PRKAR1B: variants seen among roughly 807,000 people sequenced by gnomAD.
The protein encoded by PRKAR1B is cAMP-dependent protein kinase type I-beta regulatory subunit.
In PRKAR1B, 22 loss-of-function variants were observed where a neutral mutation model predicts 46.5. The ratio of observed to expected loss-of-function variants is 0.47; its 90% CI spans 0.34 to 0.68. The LOEUF is 0.68. Among genes scored for constraint, PRKAR1B ranks in the 30% least tolerant of loss-of-function variants. The probability of loss-of-function intolerance (pLI) is 0.01; values close to 1 mark genes in which losing one functional copy is unlikely to be tolerated. For synonymous variants in PRKAR1B, 259 were observed against 217.7 expected (o/e 1.19, Z -1.67); for missense variants, 445 against 535.6 (o/e 0.83, Z 1.67).
intron 9 of PRKAR1B, among the ~76,000 whole-genome samples, chr7:568,773 A>C (rs1279657120): frequency 1.3e-5 from 2 of 152,200 alleles, no homozygotes; most frequent in African/African-American, 2.4e-5. Context: ...ATGGTGCTTA[A>C]GTCTCCTCGC....
chr7:618,599 C>G (rs1782955440), intron 4 of PRKAR1B, among the ~76,000 whole-genome samples: 3 of 152,216 alleles, frequency 2.0e-5, no homozygotes. Context: ...CATTGCCTGA[C>G]ACGTTGGGGC....
intron 4 of PRKAR1B, among the ~76,000 whole-genome samples, chr7:670,566 C>T (rs1391422989): frequency 6.7e-6 from 1 of 150,148 alleles, no homozygotes; most frequent in Non-Finnish European, 1.5e-5. Context: ...GGCTCAGGAC[C>T]GAGGACGGCC....
intron 1 of PRKAR1B, chr7:712,601 C>T (rs1215969670): frequency 7.4e-6 from 1 of 134,600 alleles, no homozygotes; most frequent in Non-Finnish European, 1.6e-5. Context: ...TCCCCCCGAC[C>T]GCCTCCCCGC....
intron 4 of PRKAR1B, among the ~76,000 whole-genome samples, chr7:638,742 T>G (rs1270776634): frequency 6.6e-6 from 1 of 152,172 alleles, no homozygotes; most frequent in Non-Finnish European, 1.5e-5. Flanking sequence ...AACTGATCTA[T>G]CAATTCAACA....
In PRKAR1B at chr7:704,317, C is replaced by A. The variant is rs1780203318; in HGVS notation, c.177+7012G>T. ...TAAACTTCTAGCCAGACTGATCAAG[C>A]AAAAAAGAAAAGCCAGAAATTACCG... On this transcript the variant is annotated intron_variant, in intron 2 of 10. Transcript: ENST00000537384. Among the ~76,000 whole-genome samples the A allele has an allele frequency of 2.0e-5, 3 of 151,870 alleles. No individual in the cohort carries two copies. In the South Asian group the frequency reaches 6.2e-4, roughly 32 times the overall value.
rs1780805601 is a variant in PRKAR1B, at chr7:714,512, C to G, written c.-22-2985G>C. On this transcript the variant is annotated intron_variant, in intron 1 of 10. Coordinates refer to ENST00000537384, the MANE Select transcript of PRKAR1B (RefSeq NM_001164760.2). The surrounding 1 kb of genome is among the most constrained non-coding windows in gnomAD (Gnocchi z 4.3). ...GTGACGTCTGCTGAGCTCCTCTCCT[C>G]ATTGCCACGACGGCAGCTCCCACTG... Among the ~76,000 whole-genome samples the G allele has an allele frequency of 6.6e-6, 1 of 152,224 alleles. No individual in the cohort carries two copies. Among genetic ancestry groups the G allele is most frequent in the South Asian group, 2.1e-4 (1 of 4,830 alleles).
intron 7 of PRKAR1B, 152 bp downstream of exon 7, chr7:595,994 C>T: frequency 5.1e-6 from 5 of 989,320 alleles, no homozygotes; most frequent in Non-Finnish European, 5.7e-6. Context: ...ATCCCTCCAC[C>T]CCTTTCCACT....
At chr7:588,567 T>C in intron 7 of PRKAR1B, among the ~76,000 whole-genome samples, 1 of 19,344 alleles carries the variant, frequency 5.2e-5, no homozygotes, top group East Asian at 1.9e-3. Flanking sequence ...GGTGGTGATG[T>C]TGGTGAGGAT....
At chr7:684,245 C>G (rs1259909989) in intron 2 of PRKAR1B, among the ~76,000 whole-genome samples, 3 of 152,222 alleles carry the variant, frequency 2.0e-5, no homozygotes, top group African/African-American at 7.2e-5. Context: ...CCTCAAACAC[C>G]TATCAGATGC....
At chr7:578,891 A>G (rs907905577) in intron 9 of PRKAR1B, 4 of 478,040 alleles carry the variant, frequency 8.4e-6, no homozygotes, top group Non-Finnish European at 1.3e-5. Flanking sequence ...CATGTTGGCC[A>G]GGCTGGTCTC....
intron 2 of PRKAR1B, among the ~76,000 whole-genome samples, chr7:709,655 C>A (rs1780519425): frequency 6.6e-6 from 1 of 152,094 alleles, no homozygotes; most frequent in South Asian, 2.1e-4. Flanking sequence ...CAGGCGTGAG[C>A]CACTGCACCC....
chr7:566,393 TCACCACCACTTCCACCATCATTATCAC>T (rs1779139652), intron 9 of PRKAR1B, among the ~76,000 whole-genome samples: 3 of 3,196 alleles, frequency 9.4e-4, no homozygotes, highest in East Asian at 6.1e-3. Context: ...ATCACCACCA[TCACCACCACTTCCACCATCATTATCAC>T]CATCACCACC....
rs569947406 is a variant in PRKAR1B at position 693,410 on chromosome 7, G to A, written c.178-12684C>T. 9.7e-5 allele frequency among the ~76,000 whole-genome samples: 14 copies of A among 144,944 alleles called. No homozygotes were observed. The South Asian group carries it at 2.6e-3, about 27-fold the overall frequency. ...CTGTGCCATTCAGCAGCTGTCCCCC[G>A]ACACCCGCCCCAGCCCCCGACAGCC... On this transcript the variant is annotated intron_variant, in intron 2 of 10. Coordinates refer to ENST00000537384, the MANE Select transcript of PRKAR1B (RefSeq NM_001164760.2).
intron 6 of PRKAR1B, among the ~76,000 whole-genome samples, chr7:597,123 C>T (rs1054348563): frequency 6.6e-6 from 1 of 152,272 alleles, no homozygotes; most frequent in Non-Finnish European, 1.5e-5. Flanking sequence ...TGACACAATA[C>T]ACGCTTTATC....
intron 4 of PRKAR1B, among the ~76,000 whole-genome samples, chr7:608,727 GGTC>G (rs1782280979): frequency 3.3e-5 from 4 of 122,186 alleles, no homozygotes; most frequent in Non-Finnish European, 5.1e-5. Context: ...CCTGGGGAGG[GGTC>G]AGTGTGTGGC....
At chr7:703,283 A>T (rs1583441964) in intron 2 of PRKAR1B, among the ~76,000 whole-genome samples, 1 of 152,352 alleles carries the variant, frequency 6.6e-6, no homozygotes, top group African/African-American at 2.4e-5. Flanking sequence ...TAAAGGAGAC[A>T]CAGACAAATT....
intron 6 of PRKAR1B, among the ~76,000 whole-genome samples, chr7:604,781 G>A (rs12720020): frequency 0.55 from 84,364 of 152,010 alleles, 24,228 homozygotes; most frequent in South Asian, 0.82. Flanking sequence ...GAAATAGCTC[G>A]TGCTGGGCAG....
At chr7:696,696 C>A (rs542347905) in intron 2 of PRKAR1B, 11 of 152,388 alleles carry the variant, frequency 7.2e-5, no homozygotes, top group African/African-American at 2.4e-4. Context: ...AACCAGAAGC[C>A]GCTTCTCTTC....
At chr7:588,030 C>A (rs1780698873) in intron 7 of PRKAR1B, among the ~76,000 whole-genome samples, 1 of 152,226 alleles carries the variant, frequency 6.6e-6, no homozygotes. Flanking sequence ...GCCAGGCTGA[C>A]CTTTCCCATG....
Sources: allele counts gnomAD v4.1 joint callset (sites outside exome capture counted in the v4.1 genomes callset), GRCh38; gene constraint gnomAD v4.1.1; non-coding constraint Gnocchi (gnomAD v3.1); transcripts MANE v1.5; gene names NCBI Gene and HGNC (gene_info 2026-07-23, HGNC 2026-07-21).